PDE4D: variants seen among roughly 807,000 people sequenced by gnomAD.
PDE4D encodes the protein 3',5'-cyclic-AMP phosphodiesterase 4D.
A neutral mutation model predicts 87.4 loss-of-function variants in PDE4D; 24 were observed. The ratio of observed to expected loss-of-function variants is 0.27; its 90% CI spans 0.20 to 0.39. The LOEUF (loss-of-function observed/expected upper bound fraction) is 0.39. Among genes scored for constraint, PDE4D ranks in the 10% least tolerant of loss-of-function variants. PDE4D has a pLI of 1.00. For synonymous variants in PDE4D, 384 were observed against 383.2 expected (o/e 1.00, Z -0.02); for missense variants, 714 against 1,041.0 (o/e 0.69, Z 4.32).
intron 1 of PDE4D, among the ~76,000 whole-genome samples, chr5:60,187,515 A>G (rs533150596): frequency 2.0e-5 from 3 of 152,332 alleles, no homozygotes; most frequent in African/African-American, 7.2e-5. Flanking sequence ...CAACCATGGA[A>G]TAGTTGCCCT....
chr5:59,498,550 C>T (rs1313298945), intron 1 of PDE4D, among the ~76,000 whole-genome samples: 2 of 151,442 alleles, frequency 1.3e-5, no homozygotes, highest in African/African-American at 4.9e-5. Context: ...GTAATGGCAC[C>T]CATAGGCTAG....
chr5:59,227,192 A>T (rs1409087275), intron 1 of PDE4D, among the ~76,000 whole-genome samples: 1 of 152,188 alleles, frequency 6.6e-6, no homozygotes, highest in Non-Finnish European at 1.5e-5. Flanking sequence ...TGGCTTCATC[A>T]AGCTAAAGTC....
intron 2 of PDE4D, among the ~76,000 whole-genome samples, chr5:60,110,120 A>C (rs542546358): frequency 7.2e-5 from 11 of 152,182 alleles, no homozygotes; most frequent in Non-Finnish European, 8.8e-5. Flanking sequence ...AATAAAAACT[A>C]TTTGGCTAAG....
At chr5:59,039,539 C>T (rs1759249756) in intron 5 of PDE4D, 8 of 985,594 alleles carry the variant, frequency 8.1e-6, no homozygotes, top group South Asian at 4.7e-5. Flanking sequence ...CTCAACTCCT[C>T]GGGCGGCAGG....
chr5:59,807,178 C>G (rs183913287), intron 1 of PDE4D, among the ~76,000 whole-genome samples: 1 of 152,134 alleles, frequency 6.6e-6, no homozygotes, highest in Non-Finnish European at 1.5e-5. Flanking sequence ...GTTCAATACC[C>G]CTCTTAGACC....
chr5:60,387,440 G>A (rs2150019030), intron 1 of PDE4D, among the ~76,000 whole-genome samples: 1 of 152,272 alleles, frequency 6.6e-6, no homozygotes, highest in South Asian at 2.1e-4. Context: ...CTGTTTTGGT[G>A]TAAACTGATA....
intron 6 of PDE4D, among the ~76,000 whole-genome samples, chr5:59,017,863 CAAT>C (rs1226180722): frequency 4.6e-5 from 7 of 152,038 alleles, no homozygotes; most frequent in Non-Finnish European, 8.8e-5. Context: ...AAAAGTGGTA[CAAT>C]AATAAGACTT....
chr5:60,409,957 G>A (rs1741905880), intron 1 of PDE4D, among the ~76,000 whole-genome samples: 1 of 151,956 alleles, frequency 6.6e-6, no homozygotes, highest in Admixed American at 6.5e-5. Context: ...GAGAGCCCGA[G>A]GGATGAAGGA....
At chr5:60,403,069 C>T (rs1412333224) in intron 1 of PDE4D, among the ~76,000 whole-genome samples, 2 of 152,146 alleles carry the variant, frequency 1.3e-5, no homozygotes, top group African/African-American at 4.8e-5. Flanking sequence ...AATCTGAGGT[C>T]AAGGCCCAGG....
intron 1 of PDE4D, among the ~76,000 whole-genome samples, chr5:59,216,204 T>G (rs1751223583): frequency 6.6e-6 from 1 of 152,228 alleles, no homozygotes. Flanking sequence ...GATACAGGTT[T>G]TTCCAAACTC....
intron 4 of PDE4D, among the ~76,000 whole-genome samples, chr5:59,181,540 T>A (rs1293851893): frequency 5.1e-5 from 1 of 19,634 alleles, no homozygotes; most frequent in Non-Finnish European, 1.1e-4. Context: ...TTCAAAGATG[T>A]CTGATATATA....
intron 1 of PDE4D, among the ~76,000 whole-genome samples, chr5:59,639,391 G>A (rs1741152109): frequency 2.0e-5 from 3 of 152,102 alleles, no homozygotes; most frequent in South Asian, 2.1e-4. Context: ...TGCTGGTGGC[G>A]ATGGCTGGGT....
intron 1 of PDE4D, among the ~76,000 whole-genome samples, chr5:60,477,645 C>T (rs1366833831): frequency 2.0e-5 from 3 of 152,164 alleles, no homozygotes; most frequent in African/African-American, 7.2e-5. Flanking sequence ...CACTCGGACT[C>T]GGAGTTCCAC....
chr5:59,407,016 C>T (rs1224442257), intron 1 of PDE4D, among the ~76,000 whole-genome samples: 1 of 152,122 alleles, frequency 6.6e-6, no homozygotes, highest in Non-Finnish European at 1.5e-5. Context: ...GACTGGGAGC[C>T]TTGAATGATT....
intron 1 of PDE4D, among the ~76,000 whole-genome samples, chr5:60,508,742 T>C (rs1284844359): frequency 6.6e-6 from 1 of 152,210 alleles, no homozygotes; most frequent in Non-Finnish European, 1.5e-5. Context: ...ACTTTGTTTT[T>C]TGTGTGTTTC....
chr5:60,393,824 A>G (rs1762710717), intron 1 of PDE4D, among the ~76,000 whole-genome samples: 1 of 152,220 alleles, frequency 6.6e-6, no homozygotes, highest in South Asian at 2.1e-4. Flanking sequence ...TTCTTTGCCA[A>G]CATACAATAG....
At chr5:59,529,167 G>C (rs1813702187) in intron 1 of PDE4D, 28 of 483,230 alleles carry the variant, frequency 5.8e-5, no homozygotes, top group South Asian at 4.3e-4. Context: ...TCTTCTTCTG[G>C]TATTATGTTT....
At chr5:59,416,002 C>T (rs171801) in intron 1 of PDE4D, among the ~76,000 whole-genome samples, 52,803 of 151,868 alleles carry the variant, frequency 0.35, 9,664 homozygotes, top group East Asian at 0.48. Flanking sequence ...CCTTTCCTAA[C>T]TCTAAATCTC....
intron 1 of PDE4D, among the ~76,000 whole-genome samples, chr5:60,399,211 T>C (rs1763102915): frequency 6.6e-6 from 1 of 152,182 alleles, no homozygotes; most frequent in Admixed American, 6.5e-5. Context: ...ATATTACCTC[T>C]TAGTATTGCT....
Sources: allele counts gnomAD v4.1 joint callset (sites outside exome capture counted in the v4.1 genomes callset), GRCh38; gene constraint gnomAD v4.1.1; transcripts MANE v1.5; gene names NCBI Gene and HGNC (gene_info 2026-07-23, HGNC 2026-07-21).